Variants in TGFB2 observed in about 807,000 individuals in gnomAD.
The protein encoded by TGFB2 is transforming growth factor beta 2.
A neutral mutation model predicts 42.7 loss-of-function variants in TGFB2; 13 were observed. The ratio of observed to expected loss-of-function variants is 0.30; its 90% CI spans 0.20 to 0.48. The LOEUF (loss-of-function observed/expected upper bound fraction) is 0.48. Ranked by LOEUF, TGFB2 falls within the 20% of genes least tolerant of loss-of-function variation. The pLI is 0.99. For missense variants in TGFB2, 390 were observed against 517.5 expected, an observed-to-expected ratio of 0.75 and a Z score of 2.39; for synonymous variants, 193 against 193.6, an observed-to-expected ratio of 1.00 and a Z score of 0.03.
chr1:218,405,465 A>G, intron 2 of TGFB2, 133 bp downstream of exon 2: 1 of 1,491,446 alleles, frequency 6.7e-7, no homozygotes. Context: ...CCTGGGTTCA[A>G]ACGATCCGCT....
intron 1 of TGFB2, among the ~76,000 whole-genome samples, chr1:218,390,492 A>G (rs1171782114): frequency 2.6e-5 from 4 of 152,200 alleles, no homozygotes; most frequent in Non-Finnish European, 5.9e-5. Flanking sequence ...TCCCGAGAGC[A>G]GGTTAAAATT....
In TGFB2 at chr1:218,345,742, G is replaced by A. The variant is rs1656641780; in HGVS notation, c.-960G>A. The A allele has an allele frequency of 6.6e-6, 1 of 152,512 alleles. No homozygotes were observed. Among genetic ancestry groups the A allele is most frequent in the Non-Finnish European group, 1.5e-5 (1 of 68,306 alleles). 9.4% of individuals were successfully genotyped at this position (152,512 alleles called of 1,614,324 possible). ...GCAAGGGCTGCCGTTGTGATCCGCA[G>A]GGGGTGAACGCAACCGCGACGGCTG... On this transcript the variant is annotated 5_prime_UTR_variant, in exon 1 of 7. Coordinates refer to ENST00000366930, the MANE Select transcript of TGFB2 (RefSeq NM_003238.6).
chr1:218,434,481 G>A (rs928978875), intron 4 of TGFB2, 33 bp downstream of exon 4: 2 of 1,345,372 alleles, frequency 1.5e-6, no homozygotes, highest in South Asian at 1.2e-5. Flanking sequence ...AGGTGGGGGA[G>A]GGAAGGGTCT....
At chr1:218,438,932 C>A (rs1362314604) in intron 6 of TGFB2, among the ~76,000 whole-genome samples, 2 of 152,022 alleles carry the variant, frequency 1.3e-5, no homozygotes, top group Non-Finnish European at 2.9e-5. Context: ...GATGATGAAA[C>A]CCCGTCTCTA....
chr1:218,387,943 C>G (rs1432944673), intron 1 of TGFB2, among the ~76,000 whole-genome samples: 1 of 151,838 alleles, frequency 6.6e-6, no homozygotes, highest in Non-Finnish European at 1.5e-5. Context: ...TTTCTATGTC[C>G]CCCCACCCCC....
intron 1 of TGFB2, among the ~76,000 whole-genome samples, chr1:218,363,870 A>AT (rs1201353092): frequency 1.3e-5 from 2 of 152,022 alleles, no homozygotes; most frequent in African/African-American, 4.8e-5. Flanking sequence ...GTGAAAGGAG[A>AT]TTTTCTCTCC....
At position 218,346,723 on chromosome 1, in the gene TGFB2, G is replaced by T. The variant is rs752870701; in HGVS notation, c.22G>T (p.Ala8Ser). ...AAAAATGCACTACTGTGTGCTGAGCGCTTTTCTGATCCTGCATCTGGTCAC... is the reference window on the plus strand; with the variant it reads ...AAAAATGCACTACTGTGTGCTGAGCTCTTTTCTGATCCTGCATCTGGTCAC... MHYCVLS[A>S]FLILHLVTVA... The change falls in exon 1 of 7, where the codon GCT becomes TCT. Residue 8 changes from alanine (A) to serine (S), a missense_variant. Coordinates refer to ENST00000366930, the MANE Select transcript of TGFB2 (RefSeq NM_003238.6). This position sits in a 1 kb window ranked among gnomAD's most constrained non-coding sequence, Gnocchi z 4.9. The T allele has an allele frequency of 1.2e-6, 2 of 1,612,992 alleles. No homozygotes were observed. Among genetic ancestry groups the T allele is most frequent in the African/African-American group, 1.3e-5 (1 of 74,792 alleles).
chr1:218,396,000 C>A (rs1011928279), intron 1 of TGFB2, among the ~76,000 whole-genome samples: 9 of 152,126 alleles, frequency 5.9e-5, no homozygotes, highest in Non-Finnish European at 1.3e-4. Context: ...GAGAAGGGGA[C>A]ATAAAATAGA....
chr1:218,423,563 AG>A (rs774577685), intron 2 of TGFB2, among the ~76,000 whole-genome samples: 5 of 152,132 alleles, frequency 3.3e-5, no homozygotes, highest in Non-Finnish European at 7.3e-5. Context: ...GCATTCTGAT[AG>A]GGTTGCTAGT....
intron 2 of TGFB2, among the ~76,000 whole-genome samples, chr1:218,421,316 T>G (rs925301125): frequency 2.7e-4 from 41 of 152,260 alleles, no homozygotes; most frequent in Middle Eastern, 3.4e-3. Context: ...TCTGTCCTTC[T>G]TGATATATAT....
chr1:218,349,086 C>T (rs1239736593), intron 1 of TGFB2, among the ~76,000 whole-genome samples: 1 of 152,122 alleles, frequency 6.6e-6, no homozygotes, highest in South Asian at 2.1e-4. Flanking sequence ...GTGGATTCTC[C>T]TTTCCATTTC....
At chr1:218,398,736 T>C (rs969573625) in intron 1 of TGFB2, among the ~76,000 whole-genome samples, 17 of 151,934 alleles carry the variant, frequency 1.1e-4, no homozygotes, top group Non-Finnish European at 1.6e-4. Context: ...TATAGACGCC[T>C]GCCACCACGC....
chr1:218,406,117 C>A (rs1658902196), intron 2 of TGFB2, among the ~76,000 whole-genome samples: 1 of 151,942 alleles, frequency 6.6e-6, no homozygotes, highest in African/African-American at 2.4e-5. Context: ...TTTGCAACCT[C>A]CTTCTCTTTA....
intron 1 of TGFB2, 85 bp downstream of exon 1, chr1:218,347,132 TC>T: frequency 7.6e-7 from 1 of 1,309,120 alleles, no homozygotes; most frequent in Non-Finnish European, 1.1e-6. Flanking sequence ...GGATCGCCCT[TC>T]CCTCTCGCGG....
chr1:218,386,514 A>G (rs1021689767), intron 1 of TGFB2, among the ~76,000 whole-genome samples: 1 of 152,192 alleles, frequency 6.6e-6, no homozygotes, highest in African/African-American at 2.4e-5. Flanking sequence ...AACAAAACTA[A>G]TGACTCCAAG....
intron 5 of TGFB2, 78 bp from the exon 6 acceptor site, chr1:218,437,265 T>G (rs1659999353): frequency 1.5e-6 from 2 of 1,352,902 alleles, no homozygotes; most frequent in Non-Finnish European, 2.0e-6. Context: ...TTTTCTGGTT[T>G]GGGGTGAGGT....
chr1:218,426,127 A>T (rs1458549974), intron 2 of TGFB2, among the ~76,000 whole-genome samples: 3 of 152,226 alleles, frequency 2.0e-5, no homozygotes, highest in African/African-American at 7.2e-5. Context: ...ACAGCACTAT[A>T]GTTAAATTCC....
intron 2 of TGFB2, among the ~76,000 whole-genome samples, chr1:218,419,057 G>A (rs1357268213): frequency 6.6e-6 from 1 of 152,178 alleles, no homozygotes; most frequent in East Asian, 1.9e-4. Flanking sequence ...ATATTGGTCA[G>A]ATCAAAGTCT....
chr1:218,405,624 C>T (rs1245019921), intron 2 of TGFB2: 1 of 421,466 alleles, frequency 2.4e-6, no homozygotes, highest in Non-Finnish European at 4.4e-6. Flanking sequence ...CCACCTTGGC[C>T]TCAAAAAGTT....
Sources: gnomAD v4.1 joint callset for allele counts (sites outside exome capture counted in the v4.1 genomes callset) on GRCh38, gnomAD v4.1.1 for gene constraint, Gnocchi (gnomAD v3.1) non-coding constraint, MANE v1.5 for transcripts, NCBI Gene and HGNC (gene_info 2026-07-23, HGNC 2026-07-21) for gene names.